GPM6A: variants seen among roughly 807,000 people sequenced by gnomAD.
GPM6A encodes glycoprotein M6A.
GPM6A carries 7 observed loss-of-function variants against 32.1 expected under a neutral mutation model. The ratio of observed to expected loss-of-function variants is 0.22; its 90% CI spans 0.12 to 0.41. The LOEUF (loss-of-function observed/expected upper bound fraction) is 0.41. Ranked by LOEUF, GPM6A falls within the 10% of genes least tolerant of loss-of-function variation. The probability of loss-of-function intolerance (pLI) is 1.00; values close to 1 mark genes in which losing one functional copy is unlikely to be tolerated. For synonymous variants in GPM6A, 130 were observed against 123.4 expected (o/e 1.05, Z -0.35); for missense variants, 235 against 347.2 (o/e 0.68, Z 2.57).
At chr4:175,921,433 A>G (rs1004257690) in intron 1 of GPM6A, among the ~76,000 whole-genome samples, 2 of 152,206 alleles carry the variant, frequency 1.3e-5, no homozygotes, top group Non-Finnish European at 2.9e-5. Context: ...ATATATGGAT[A>G]GAGAATTTCA....
At chr4:175,698,813 T>C (rs1744714975) in intron 2 of GPM6A, among the ~76,000 whole-genome samples, 1 of 152,222 alleles carries the variant, frequency 6.6e-6, no homozygotes, top group Non-Finnish European at 1.5e-5. Context: ...TAATACATAA[T>C]ATAACAGAGC....
intron 3 of GPM6A, among the ~76,000 whole-genome samples, chr4:175,667,342 A>C (rs1560862303): frequency 1.3e-5 from 2 of 152,156 alleles, no homozygotes; most frequent in Non-Finnish European, 2.9e-5. Context: ...GAAAAACATC[A>C]AATTACAGCC....
intron 1 of GPM6A, among the ~76,000 whole-genome samples, chr4:175,769,488 A>T (rs1733103222): frequency 6.6e-6 from 1 of 152,160 alleles, no homozygotes; most frequent in African/African-American, 2.4e-5. Context: ...GAGTTCAGGG[A>T]AACAAATCAA....
At chr4:175,949,819 T>C (rs73873510) in intron 1 of GPM6A, among the ~76,000 whole-genome samples, 9,128 of 152,272 alleles carry the variant, frequency 0.06, 869 homozygotes, top group African/African-American at 0.2. Flanking sequence ...GATGGTATTG[T>C]CAACAGCTTG....
At chr4:175,750,713 T>G (rs1732299980) in intron 1 of GPM6A, among the ~76,000 whole-genome samples, 1 of 152,038 alleles carries the variant, frequency 6.6e-6, no homozygotes, top group South Asian at 2.1e-4. Context: ...GCTAGGATTA[T>G]AGGCATGTGC....
chr4:175,901,969 C>T (rs1737982380), intron 1 of GPM6A, among the ~76,000 whole-genome samples: 1 of 152,030 alleles, frequency 6.6e-6, no homozygotes, highest in Non-Finnish European at 1.5e-5. Flanking sequence ...TAAAATATTC[C>T]TCAACCCAAT....
chr4:175,974,173 T>C (rs1487330869), intron 1 of GPM6A, among the ~76,000 whole-genome samples: 1 of 152,024 alleles, frequency 6.6e-6, no homozygotes, highest in Non-Finnish European at 1.5e-5. Context: ...GAGGTTGCAA[T>C]GAGCTGAGAT....
intron 1 of GPM6A, among the ~76,000 whole-genome samples, chr4:175,840,039 A>G (rs1286732451): frequency 6.6e-6 from 1 of 152,236 alleles, no homozygotes; most frequent in African/African-American, 2.4e-5. Context: ...AAACCAATTC[A>G]TCAAGAACAA....
At chr4:175,942,087 T>C (rs1419374110) in intron 1 of GPM6A, among the ~76,000 whole-genome samples, 1 of 152,222 alleles carries the variant, frequency 6.6e-6, no homozygotes, top group East Asian at 1.9e-4. Context: ...TGGCGTGAGA[T>C]GGTATCTCAT....
chr4:175,940,694 C>T (rs368705236), intron 1 of GPM6A, among the ~76,000 whole-genome samples: 2 of 152,140 alleles, frequency 1.3e-5, no homozygotes, highest in East Asian at 1.9e-4. Context: ...CTGCAACCTC[C>T]GCCTCCTAGA....
At chr4:175,998,343 G>A (rs140235223) in intron 1 of GPM6A, among the ~76,000 whole-genome samples, 3 of 151,630 alleles carry the variant, frequency 2.0e-5, no homozygotes, top group East Asian at 1.9e-4. Flanking sequence ...TAGTAGAGAC[G>A]GTCTCACTAT....
intron 1 of GPM6A, among the ~76,000 whole-genome samples, chr4:175,827,030 C>T (rs1190462329): frequency 6.6e-6 from 1 of 152,088 alleles, no homozygotes; most frequent in Non-Finnish European, 1.5e-5. Context: ...GTTTTAGGTA[C>T]AAGATCTCAT....
At chr4:175,779,569 C>A (rs2111250067) in intron 1 of GPM6A, among the ~76,000 whole-genome samples, 1 of 152,254 alleles carries the variant, frequency 6.6e-6, no homozygotes, top group Admixed American at 6.5e-5. Flanking sequence ...GGTCTCATGG[C>A]TCTCAAGAAT....
rs1740473722 is a variant in GPM6A, at chr4:175,634,634, C to T, written c.*271G>A. The T allele has an allele frequency of 8.9e-6, 3 of 335,698 alleles. No homozygotes were observed. Among genetic ancestry groups the T allele is most frequent in the South Asian group, 5.9e-5 (1 of 17,012 alleles). The allele number at this position is 335,698 out of a possible 1,614,324, so 20.8% of individuals were successfully genotyped here. A position where few individuals can be genotyped will look rare whatever the true frequency, so the allele number is the denominator to read the frequency against. ...TCTTTGCATTTGACAATGTTAGTAT[C>T]TTTGATTTTACAGAACTAGTAAATG... On this transcript the variant is annotated 3_prime_UTR_variant, in exon 7 of 7. Transcript: ENST00000393658.
intron 1 of GPM6A, among the ~76,000 whole-genome samples, chr4:175,932,216 ATAG>A (rs1187836855): frequency 6.6e-6 from 1 of 152,152 alleles, no homozygotes; most frequent in Non-Finnish European, 1.5e-5. Context: ...TGCCAGTACT[ATAG>A]TATTAGGAGA....
At chr4:175,671,826 T>C (rs1217597985) in intron 3 of GPM6A, among the ~76,000 whole-genome samples, 4 of 152,176 alleles carry the variant, frequency 2.6e-5, no homozygotes, top group Non-Finnish European at 4.4e-5. Flanking sequence ...GTCTCTGCTC[T>C]GCTCATTCCG....
intron 1 of GPM6A, among the ~76,000 whole-genome samples, chr4:175,810,708 G>A (rs1231958920): frequency 6.6e-6 from 1 of 151,942 alleles, no homozygotes; most frequent in Non-Finnish European, 1.5e-5. Flanking sequence ...CAAATTGATC[G>A]GCCAATAAGT....
intron 1 of GPM6A, among the ~76,000 whole-genome samples, chr4:175,918,203 G>T (rs984544494): frequency 6.6e-6 from 1 of 152,020 alleles, no homozygotes; most frequent in African/African-American, 2.4e-5. Flanking sequence ...AGACACTCTT[G>T]ATGATAACCA....
chr4:175,877,857 TACG>T (rs1243055200), intron 1 of GPM6A, among the ~76,000 whole-genome samples: 1 of 152,146 alleles, frequency 6.6e-6, no homozygotes, highest in African/African-American at 2.4e-5. Context: ...AAGTCTCCTC[TACG>T]ACAAGGCAAG....
Sources: gnomAD v4.1 joint callset for allele counts (sites outside exome capture counted in the v4.1 genomes callset) on GRCh38, gnomAD v4.1.1 for gene constraint, MANE v1.5 for transcripts, NCBI Gene and HGNC (gene_info 2026-07-23, HGNC 2026-07-21) for gene names.